Variants in FNIP1 observed in about 807,000 individuals in gnomAD.
The protein encoded by FNIP1 is folliculin-interacting protein 1.
FNIP1 carries 40 observed loss-of-function variants against 124.5 expected under a neutral mutation model. That is an observed-to-expected ratio of 0.32 (90% CI 0.25 to 0.42). The LOEUF (loss-of-function observed/expected upper bound fraction) is 0.42. Ranked by LOEUF, FNIP1 falls within the 10% of genes least tolerant of loss-of-function variation. The probability of loss-of-function intolerance (pLI) is 1.00; values close to 1 mark genes in which losing one functional copy is unlikely to be tolerated. For missense variants in FNIP1, 1,176 were observed against 1,403.7 expected (o/e 0.84, Z 2.59); for synonymous variants, 472 against 470.6 (o/e 1.00, Z -0.04).
intron 2 of FNIP1, among the ~76,000 whole-genome samples, chr5:131,741,017 T>G (rs1002664813): frequency 6.6e-6 from 1 of 152,160 alleles, no homozygotes; most frequent in Non-Finnish European, 1.5e-5. Flanking sequence ...CCACCCCTTG[T>G]TTAGCATACA....
intron 1 of FNIP1, among the ~76,000 whole-genome samples, chr5:131,781,135 C>T (rs1771980723): frequency 1.3e-5 from 2 of 152,318 alleles, no homozygotes; most frequent in Non-Finnish European, 2.9e-5. Context: ...TAAGCCAAAG[C>T]CTAATCCAGG....
In FNIP1 at chr5:131,771,868, A is replaced by G. The variant is rs1410482511; in HGVS notation, c.92+24962T>C. Reference sequence around the variant, plus strand: ...TCCTAAGCACAGCCTCTTATGTTCCATTCCACCTACGCACATTTGACACTA... The same window carrying G: ...TCCTAAGCACAGCCTCTTATGTTCCGTTCCACCTACGCACATTTGACACTA... On this transcript the variant is annotated intron_variant, in intron 1 of 17. Coordinates refer to ENST00000510461, the MANE Select transcript of FNIP1 (RefSeq NM_133372.3). 2.6e-5 allele frequency among the ~76,000 whole-genome samples: 4 copies of G among 152,114 alleles called. No individual in the cohort carries two copies. The East Asian group carries it at 7.7e-4, about 29-fold the overall frequency.
At chr5:131,712,648 AT>A (rs1447217413) in intron 6 of FNIP1, among the ~76,000 whole-genome samples, 3 of 152,222 alleles carry the variant, frequency 2.0e-5, no homozygotes, top group Non-Finnish European at 4.4e-5. Context: ...GAAAGGGGGT[AT>A]TAGTGTAATT....
intron 15 of FNIP1, among the ~76,000 whole-genome samples, chr5:131,655,704 C>T (rs1272807793): frequency 6.6e-6 from 1 of 150,394 alleles, no homozygotes; most frequent in African/African-American, 2.5e-5. Context: ...AATCTCTTTT[C>T]GAGGCCATCC....
intron 15 of FNIP1, among the ~76,000 whole-genome samples, chr5:131,665,169 T>C (rs1767561007): frequency 1.3e-5 from 2 of 152,262 alleles, no homozygotes; most frequent in South Asian, 2.1e-4. Flanking sequence ...ACTTTCATTA[T>C]AGCCAAAGAA....
chr5:131,751,018 T>C (rs531745141), intron 1 of FNIP1, among the ~76,000 whole-genome samples: 1 of 152,348 alleles, frequency 6.6e-6, no homozygotes, highest in East Asian at 1.9e-4. Context: ...CCATTTCATT[T>C]AGCCAAACTC....
Position 131,672,251 on chromosome 5 carries a change from T to C in FNIP1, c.2193A>G (p.Lys731=), listed in dbSNP as rs766180491. ...AMRSTGMVVE[K]KPPDKIVPAS... is the part of the protein sequence containing the mutation. ...CAGGCACAATCTTATCTGGAGGTTTTTTTTCCACAACCATTCCTGTGGATC... is the reference window on the plus strand; with the variant it reads ...CAGGCACAATCTTATCTGGAGGTTTCTTTTCCACAACCATTCCTGTGGATC... Residue 731 remains lysine, a synonymous_variant, in exon 14 of 18, where the codon AAA becomes AAG. Transcript: ENST00000510461. 6.2e-7 allele frequency: 1 copy of C among 1,614,220 alleles called. No homozygotes were observed. Among genetic ancestry groups the C allele is most frequent in the South Asian group, 1.1e-5 (1 of 91,090 alleles).
At chr5:131,678,694 G>A (rs1371427050) in intron 12 of FNIP1, among the ~76,000 whole-genome samples, 2 of 152,266 alleles carry the variant, frequency 1.3e-5, no homozygotes, top group Admixed American at 1.3e-4. Context: ...ACAGGTATGA[G>A]CCATCACGCC....
chr5:131,723,970 T>C (rs1011847554), intron 3 of FNIP1, among the ~76,000 whole-genome samples: 2 of 152,068 alleles, frequency 1.3e-5, no homozygotes, highest in Admixed American at 1.3e-4. Flanking sequence ...GCTGGTTTTC[T>C]GTTCTTGTGT....
At chr5:131,727,522 T>A (rs1187869847) in intron 3 of FNIP1, among the ~76,000 whole-genome samples, 1 of 152,202 alleles carries the variant, frequency 6.6e-6, no homozygotes, top group Non-Finnish European at 1.5e-5. Context: ...TTGCTTTCCA[T>A]TTGCTTGGTA....
intron 13 of FNIP1, among the ~76,000 whole-genome samples, chr5:131,677,316 G>A (rs1052398465): frequency 6.6e-6 from 1 of 152,228 alleles, no homozygotes; most frequent in African/African-American, 2.4e-5. Flanking sequence ...GTGAACAAAA[G>A]TGGATCAACA....
intron 6 of FNIP1, among the ~76,000 whole-genome samples, chr5:131,711,373 G>A (rs1474884365): frequency 6.6e-6 from 1 of 152,198 alleles, no homozygotes; most frequent in Admixed American, 6.5e-5. Context: ...ATTATAGCCT[G>A]AAAGCAAGCA....
chr5:131,780,824 C>T (rs1771972430), intron 1 of FNIP1, among the ~76,000 whole-genome samples: 2 of 152,104 alleles, frequency 1.3e-5, no homozygotes, highest in South Asian at 4.1e-4. Context: ...GGAAATTAGG[C>T]CAATTAATAA....
intron 1 of FNIP1, among the ~76,000 whole-genome samples, chr5:131,774,649 G>A (rs975693005): frequency 1.3e-5 from 2 of 152,114 alleles, no homozygotes; most frequent in Admixed American, 6.5e-5. Context: ...TGTTCAAGGA[G>A]GAAAGCAAGG....
chr5:131,693,131 A>G (rs374870170), intron 11 of FNIP1, among the ~76,000 whole-genome samples: 2 of 150,912 alleles, frequency 1.3e-5, no homozygotes, highest in East Asian at 3.9e-4. Flanking sequence ...AAGTCTTTTA[A>G]TGACAAAAAA....
At chr5:131,790,946 G>A (rs1772389044) in intron 1 of FNIP1, among the ~76,000 whole-genome samples, 1 of 152,184 alleles carries the variant, frequency 6.6e-6, no homozygotes, top group African/African-American at 2.4e-5. Flanking sequence ...AAAGCAAGAA[G>A]TTATCAAAGA....
rs7728516 is a variant in FNIP1, at chr5:131,652,887, C to G, written c.3109-888G>C. ...GCTGAGGTGGGATGATTGCTTGAAC[C>G]CAAGAATTCAAGATTGCAGTGATCT... On this transcript the variant is annotated intron_variant, in intron 15 of 17. Transcript: ENST00000510461. 4.8e-3 allele frequency among the ~76,000 whole-genome samples: 725 copies of G among 152,124 alleles called. 9 individuals carry two copies. The highest frequency in any genetic ancestry group is 0.017 in the African/African-American group (687 of 41,506).
At chr5:131,686,670 ACAATCCAATCATACTCTTT>A (rs1157860345) in intron 11 of FNIP1, among the ~76,000 whole-genome samples, 1 of 152,230 alleles carries the variant, frequency 6.6e-6, no homozygotes, top group Non-Finnish European at 1.5e-5. Context: ...TTTGTTACCA[ACAATCCAATCATACTCTTT>A]CAGTTACTTT....
chr5:131,733,318 A>C (rs551387661), intron 2 of FNIP1, among the ~76,000 whole-genome samples: 1 of 152,084 alleles, frequency 6.6e-6, no homozygotes, highest in African/African-American at 2.4e-5. Context: ...AATACCCTTT[A>C]TTTCTTTCTC....
Sources: gnomAD v4.1 joint callset for allele counts (sites outside exome capture counted in the v4.1 genomes callset) on GRCh38, gnomAD v4.1.1 for gene constraint, MANE v1.5 for transcripts, NCBI Gene and HGNC (gene_info 2026-07-23, HGNC 2026-07-21) for gene names.